Variants in PEX5 observed in about 807,000 individuals in gnomAD.
PEX5 encodes peroxisomal biogenesis factor 5.
Under a neutral mutation model 82.9 loss-of-function variants are expected in PEX5, and 52 were observed. The observed-to-expected ratio is 0.63, with a 90% CI of 0.50 to 0.79. PEX5 has a LOEUF of 0.79. PEX5 is among the 30% of genes least tolerant of loss of function. The pLI, the probability that PEX5 is intolerant of heterozygous loss-of-function variation, is 0.00. For synonymous variants in PEX5, 300 were observed against 318.8 expected, an observed-to-expected ratio of 0.94 and a Z score of 0.63; for missense variants, 719 against 815.2, an observed-to-expected ratio of 0.88 and a Z score of 1.44.
chr12:7,210,652 T>C lies in PEX5; in HGVS notation c.*429T>C. On this transcript the variant is annotated 3_prime_UTR_variant, in exon 16 of 16. Transcript: ENST00000675855. The stretch of plus-strand genomic sequence containing the variant: ...TTGGGCAGTGTAAGTAGGAGGTTCA[T>C]CTGCTGTGCGCCTCTAATGTCTGTC... 1 of 316,766 alleles carries C rather than the reference T, an allele frequency of 3.2e-6. No individual in the cohort carries two copies. Among genetic ancestry groups the C allele is most frequent in the Non-Finnish European group, 6.1e-6 (1 of 162,652 alleles). 19.6% of individuals were successfully genotyped at this position (316,766 alleles called of 1,614,324 possible).
chr12:7,189,673 G>A (rs1397145705), upstream of PEX5: 2 of 357,852 alleles, frequency 5.6e-6, no homozygotes, highest in Non-Finnish European at 9.9e-6. Context: ...CCCGCCCCCT[G>A]GCTCCCCGCC....
intron 17 of PEX5, among the ~76,000 whole-genome samples, chr12:7,217,367 G>A (rs749692586): frequency 4.6e-5 from 7 of 152,202 alleles, no homozygotes; most frequent in African/African-American, 1.2e-4. Flanking sequence ...TTGGCAATCT[G>A]GGCGCTTCTT....
chr12:7,208,944 T>C, intron 13 of PEX5, 61 bp from the exon 14 acceptor site: 1 of 1,417,206 alleles, frequency 7.1e-7, no homozygotes, highest in African/African-American at 1.4e-5. Flanking sequence ...GAAATTAATT[T>C]GGGGGGATGG....
downstream of PEX5, among the ~76,000 whole-genome samples, chr12:7,213,384 A>C (rs1258610995): frequency 6.7e-6 from 1 of 149,204 alleles, no homozygotes; most frequent in Non-Finnish European, 1.5e-5. Flanking sequence ...AAACAGAGAT[A>C]TAGATCAATG....
At chr12:7,190,743 A>G (rs951842826) in intron 2 of PEX5, 145 bp from the exon 3 acceptor site, 5 of 1,325,410 alleles carry the variant, frequency 3.8e-6, no homozygotes, top group Non-Finnish European at 5.4e-6. Context: ...CTGAGCGTTT[A>G]TAAACACTAG....
Position 7,208,655 on chromosome 12 carries a change from A to C in PEX5, c.1380A>C (p.Gly460=). ...TGGGCCCCAGCAAGCGTATCCTGGG[A>C]TCTCTCTTGTCTGAGTGAGTATGAG... ...AGLGPSKRIL[G]SLLSDSLFLE... is the part of the protein sequence containing the mutation. Residue 460 remains glycine (G), a synonymous_variant, in exon 13 of 16, where the codon GGA becomes GGC. Transcript: ENST00000675855. The C allele has an allele frequency of 6.2e-7, 1 of 1,613,414 alleles. No homozygotes were observed. The highest frequency in any genetic ancestry group is 8.5e-7 in the Non-Finnish European group (1 of 1,179,528).
At chr12:7,191,443 T>A (rs889270663) in intron 4 of PEX5, 85 bp downstream of exon 4, 5 of 1,603,738 alleles carry the variant, frequency 3.1e-6, no homozygotes, top group Non-Finnish European at 4.3e-6. Flanking sequence ...GCTGCTGGCA[T>A]TGGGGACCTG....
chr12:7,190,048 G>T, intron 1 of PEX5: 2 of 1,502,584 alleles, frequency 1.3e-6, no homozygotes, highest in Non-Finnish European at 1.8e-6. Flanking sequence ...GGTTGTTGAA[G>T]CGTCCCCGTG....
At position 7,210,357 on chromosome 12, in the gene PEX5, C is replaced by G. The variant is rs770004382; in HGVS notation, c.*134C>G. On this transcript the variant is annotated 3_prime_UTR_variant, in exon 16 of 16. Coordinates refer to ENST00000675855, the MANE Select transcript of PEX5 (RefSeq NM_001351132.2). ...CGGTACGGCCTTTCAGGAGCTGCCT[C>G]AACGTAGGGGTGGGTAGTCTGTGTT... 1.3e-6 allele frequency: 1 copy of G among 786,642 alleles called. No homozygotes were observed. The highest frequency in any genetic ancestry group is 2.6e-5 in the East Asian group (1 of 38,786). 48.7% of individuals were successfully genotyped at this position (786,642 alleles called of 1,614,324 possible).
At position 7,202,332 on chromosome 12, in the gene PEX5, C is replaced by T; in HGVS notation, c.734C>T (p.Ala245Val). The change falls in exon 8 of 16, where the codon GCA (alanine) becomes GTA (valine). Residue 245 changes from alanine (A) to valine (V), a missense_variant. Transcript: ENST00000675855. The stretch of plus-strand genomic sequence containing the variant: ...CGAGCTCAGGCAGAACAGTGGGCAG[C>T]AGAGTTTATACAGCAGCAGGTAGGA... ...SGRAQAEQWA[A>V]EFIQQQGTSD... The T allele has an allele frequency of 6.2e-7, 1 of 1,614,068 alleles. No individual in the cohort carries two copies. The highest frequency in any genetic ancestry group is 1.3e-5 in the African/African-American group (1 of 75,008).
chr12:7,214,280 T>A (rs911640548), downstream of PEX5, among the ~76,000 whole-genome samples: 4 of 152,158 alleles, frequency 2.6e-5, no homozygotes, highest in African/African-American at 4.8e-5. Context: ...GTATGTTTAT[T>A]GCGGCACTAT....
intron 6 of PEX5, among the ~76,000 whole-genome samples, chr12:7,199,542 A>T (rs1241087931): frequency 2.0e-5 from 3 of 151,544 alleles, no homozygotes; most frequent in African/African-American, 4.8e-5. Context: ...GATCAACAGG[A>T]TCCCAAGGCA....
In PEX5 at chr12:7,207,533, C is replaced by T. The variant is rs146698994; in HGVS notation, c.967-126C>T. 7.5e-4 allele frequency: 678 copies of T among 898,292 alleles called. 1 individual carries two copies. The African/African-American group carries it at 8.8e-3, about 12-fold the overall frequency. The allele number at this position is 898,292 out of a possible 1,614,324, so 55.6% of individuals were successfully genotyped here. A position where few individuals can be genotyped will look rare whatever the true frequency, so the allele number is the denominator to read the frequency against. ...TGATCTTTATAATATGGAGAATTTG[C>T]CAGCAATTAATTCCGGAACCTGTTT... On this transcript the variant is annotated intron_variant, in intron 10 of 15. Transcript: ENST00000675855.
At position 7,208,623 on chromosome 12, in the gene PEX5, G is replaced by A. The variant is rs1289731840; in HGVS notation, c.1348G>A (p.Ala450Thr). 1 of 1,614,102 alleles carries A rather than the reference G, an allele frequency of 6.2e-7. No individual in the cohort carries two copies. The highest frequency in any genetic ancestry group is 1.1e-5 in the South Asian group (1 of 91,078). The stretch of plus-strand genomic sequence containing the variant: ...ACCTGCTGAAGAAGGGGCTGGTGGG[G>A]CAGGACTGGGCCCCAGCAAGCGTAT... ...VTPAEEGAGG[A>T]GLGPSKRILG... is the part of the protein sequence containing the mutation. Residue 450 changes from alanine (A) to threonine (T), a missense_variant, in exon 13 of 16, where the codon GCA becomes ACA. Coordinates refer to ENST00000675855, the MANE Select transcript of PEX5 (RefSeq NM_001351132.2).
chr12:7,208,403 T>C (rs1945086349), intron 12 of PEX5, 54 bp from the exon 13 acceptor site: 8 of 1,367,574 alleles, frequency 5.8e-6, no homozygotes, highest in Admixed American at 1.8e-5. Context: ...GGTGCTCACA[T>C]GTGCCAGTGT....
At chr12:7,198,451 A>G (rs1356305075) in intron 5 of PEX5, among the ~76,000 whole-genome samples, 1 of 152,202 alleles carries the variant, frequency 6.6e-6, no homozygotes, top group Non-Finnish European at 1.5e-5. Context: ...AAACCCACCA[A>G]ACATCCATAG....
Position 7,190,412 on chromosome 12 carries a change from G to A in PEX5, c.35G>A (p.Gly12Glu). Residue 12 changes from glycine (G) to glutamate (E), a missense_variant, in exon 2 of 16, where the codon GGG becomes GAG. By Grantham distance (98) the Gly-to-Glu change is moderately conservative. Coordinates refer to ENST00000675855, the MANE Select transcript of PEX5 (RefSeq NM_001351132.2). ...CGGGAGCTGGTGGAGGCCGAATGCG[G>A]GGGTGCCAACCCGCTCATGAAGCTC... Reference protein sequence around the residue: ...AMRELVEAECGGANPLMKLAG... With the variant: ...AMRELVEAECEGANPLMKLAG... 6.2e-7 allele frequency: 1 copy of A among 1,614,222 alleles called. No homozygotes were observed. Among genetic ancestry groups the A allele is most frequent in the African/African-American group, 1.3e-5 (1 of 75,064 alleles).
chr12:7,201,867 G>A (rs1369461073), intron 7 of PEX5, 26 bp downstream of exon 7: 3 of 1,515,576 alleles, frequency 2.0e-6, no homozygotes, highest in Non-Finnish European at 2.8e-6. Context: ...CTGCTGCTTT[G>A]CCCAGCAGAG....
At chr12:7,197,222 A>ATATATGTCATATATAATAAT (rs1565687069) in intron 5 of PEX5, among the ~76,000 whole-genome samples, 1 of 69,166 alleles carries the variant, frequency 1.4e-5, no homozygotes, top group Non-Finnish European at 2.8e-5. Flanking sequence ...TAATGTAATT[A>ATATATGTCATATATAATAAT]TATATGTCAT....
Sources: gnomAD v4.1 joint callset for allele counts (sites outside exome capture counted in the v4.1 genomes callset) on GRCh38, gnomAD v4.1.1 for gene constraint, MANE v1.5 for transcripts, NCBI Gene and HGNC (gene_info 2026-07-23, HGNC 2026-07-21) for gene names.